The following FGFBP3 variants were observed in gnomAD, a reference collection of about 807,000 sequenced individuals.
FGFBP3 encodes the protein fibroblast growth factor-binding protein 3.
In FGFBP3, 4 loss-of-function variants were observed where a neutral mutation model predicts 4.8. The ratio of observed to expected loss-of-function variants is 0.83; its 90% confidence interval spans 0.41 to 1.90. FGFBP3 has a LOEUF of 1.90. Ranked by LOEUF, FGFBP3 falls within the 40% of genes most tolerant of loss-of-function variation. The pLI is 0.03. For missense variants in FGFBP3, 429 were observed against 397.4 expected, an observed-to-expected ratio of 1.08 and a Z score of -0.68; for synonymous variants, 215 against 190.0, an observed-to-expected ratio of 1.13 and a Z score of -1.08.
chr10:91,908,476 T>TC lies in FGFBP3; in HGVS notation c.493dup (p.Glu165GlyfsTer79), dbSNP rs1299929001. ...CCGGTTCCGGGCCCGGGGCTTGGAC[T>TC]CCCCCGCGAATCCCGCGACGGTGGG... On this transcript the variant is annotated frameshift_variant, in exon 2 of 2. Coordinates refer to ENST00000311575, the MANE Select transcript of FGFBP3 (RefSeq NM_152429.5). LOFTEE classifies it low-confidence loss of function (END_TRUNC). 1 of 1,409,288 alleles carries TC rather than the reference T, an allele frequency of 7.1e-7. No individual in the cohort carries two copies. Among genetic ancestry groups the TC allele is most frequent in the Non-Finnish European group, 9.2e-7 (1 of 1,086,706 alleles). 87.3% of individuals were successfully genotyped at this position (1,409,288 alleles called of 1,614,324 possible).
rs1317399867 is a variant in FGFBP3, at chr10:91,907,926, G to A, written c.*267C>T. ...AGTCTCCAGTTTTTGCACATTTAAA[G>A]TACGCCTATTTCTGTTTCCATTATT... On this transcript the variant is annotated 3_prime_UTR_variant, in exon 2 of 2. Coordinates refer to ENST00000311575, the MANE Select transcript of FGFBP3 (RefSeq NM_152429.5). 3 of 428,118 alleles carry A rather than the reference G, an allele frequency of 7.0e-6. No homozygotes were observed. Among genetic ancestry groups the A allele is most frequent in the Non-Finnish European group, 1.2e-5 (3 of 244,426 alleles). 26.5% of individuals were successfully genotyped at this position (428,118 alleles called of 1,614,324 possible). A position where few individuals can be genotyped will look rare whatever the true frequency, so the allele number is the denominator to read the frequency against.
Position 91,908,541 on chromosome 10 carries a change from G to T in FGFBP3, c.429C>A (p.Ala143=). The stretch of plus-strand genomic sequence containing the variant: ...ACGCGCGGGGCACTAGCCGCAGCTC[G>T]GCGCCGTGGCCCTTCTTGCCCGCGC... ...RLCAGKKGHG[A]ELRLVPRASP... Residue 143 remains alanine, a synonymous_variant, in exon 2 of 2, where the codon GCC becomes GCA. Transcript: ENST00000311575. 7.2e-7 allele frequency: 1 copy of T among 1,379,734 alleles called. No homozygotes were observed. The highest frequency in any genetic ancestry group is 9.3e-7 in the Non-Finnish European group (1 of 1,074,250). The allele number at this position is 1,379,734 out of a possible 1,614,324, so 85.5% of individuals were successfully genotyped here. A position where few individuals can be genotyped will look rare whatever the true frequency, so the allele number is the denominator to read the frequency against.
Position 91,908,713 on chromosome 10 carries a change from G to T in FGFBP3, c.257C>A (p.Ala86Glu), listed in dbSNP as rs896609563. 7 of 1,382,166 alleles carry T rather than the reference G, an allele frequency of 5.1e-6. No individual in the cohort carries two copies. The highest frequency in any genetic ancestry group is 6.5e-6 in the Non-Finnish European group (7 of 1,075,884). The allele number at this position is 1,382,166 out of a possible 1,614,324, so 85.6% of individuals were successfully genotyped here. A position where few individuals can be genotyped will look rare whatever the true frequency, so the allele number is the denominator to read the frequency against. The change falls in exon 2 of 2, where the codon GCG (alanine) becomes GAG (glutamate). Residue 86 changes from alanine (A) to glutamate (E), a missense_variant. Physicochemically the swap from Ala to Glu is moderately radical, Grantham distance 107 (BLOSUM62 -1). Coordinates refer to ENST00000311575, the MANE Select transcript of FGFBP3 (RefSeq NM_152429.5). ...LALRCQSPDGARHQCAYRGHP... is the reference protein window; with the variant it reads ...LALRCQSPDGERHQCAYRGHP... ...CCCGCGGTAGGCGCACTGGTGGCGC[G>T]CCCCGTCCGGGCTCTGGCAGCGCAG...
In FGFBP3 at chr10:91,907,931, C is replaced by G. The variant is rs755928271; in HGVS notation, c.*262G>C. On this transcript the variant is annotated 3_prime_UTR_variant, in exon 2 of 2. Coordinates refer to ENST00000311575, the MANE Select transcript of FGFBP3 (RefSeq NM_152429.5). ...CCAGTTTTTGCACATTTAAAGTACG[C>G]CTATTTCTGTTTCCATTATTTTTCC... 2.2e-6 allele frequency: 1 copy of G among 446,850 alleles called. No homozygotes were observed. The highest frequency in any genetic ancestry group is 3.9e-6 in the Non-Finnish European group (1 of 255,836). 27.7% of individuals were successfully genotyped at this position (446,850 alleles called of 1,614,324 possible). A position where few individuals can be genotyped will look rare whatever the true frequency, so the allele number is the denominator to read the frequency against.
rs1051777080 is a variant in FGFBP3, at chr10:91,907,079, A to G, written c.*1114T>C. The G allele has an allele frequency of 3.3e-5, 5 of 152,244 alleles. No homozygotes were observed. Among genetic ancestry groups the G allele is most frequent in the African/African-American group, 7.2e-5 (3 of 41,468 alleles). The allele number at this position is 152,244 out of a possible 1,614,324, so 9.4% of individuals were successfully genotyped here. A position where few individuals can be genotyped will look rare whatever the true frequency, so the allele number is the denominator to read the frequency against. On this transcript the variant is annotated 3_prime_UTR_variant, in exon 2 of 2. Coordinates refer to ENST00000311575, the MANE Select transcript of FGFBP3 (RefSeq NM_152429.5). Reference sequence around the variant, plus strand: ...TACTTACATTTTAGCTGTTTAAAAAAAAAAATCAGATATAAAGAGAATCAC... The same window carrying G: ...TACTTACATTTTAGCTGTTTAAAAAGAAAAATCAGATATAAAGAGAATCAC...
In FGFBP3 at chr10:91,908,186, G is replaced by A. The variant is rs1443212618; in HGVS notation, c.*7C>T. ...CCCATCAACCCTCCCTAAGCCGGCA[G>A]GCAGTCTCAGCCGTTCCAGAAATTG... On this transcript the variant is annotated 3_prime_UTR_variant, in exon 2 of 2. Transcript: ENST00000311575. The A allele has an allele frequency of 6.3e-7, 1 of 1,592,036 alleles. No homozygotes were observed. Among genetic ancestry groups the A allele is most frequent in the East Asian group, 2.4e-5 (1 of 42,216 alleles).
chr10:91,908,753 C>T lies in FGFBP3; in HGVS notation c.217G>A (p.Gly73Ser), dbSNP rs1156237583. Reference protein sequence around the residue: ...LLLPAPEAAAGSELALRCQSP... With the variant: ...LLLPAPEAAASSELALRCQSP... ...TGGCAGCGCAGCGCCAGCTCGCTGC[C>T]CGCTGCGGCCTCCGGGGCGGGCAGC... The change falls in exon 2 of 2, where the codon GGC (glycine) becomes AGC (serine). Residue 73 changes from glycine (G) to serine (S), a missense_variant. By Grantham distance (56) the Gly-to-Ser change is moderately conservative. Transcript: ENST00000311575. The T allele has an allele frequency of 2.2e-6, 3 of 1,388,896 alleles. No homozygotes were observed. In the African/African-American group the frequency reaches 4.6e-5, roughly 21 times the overall value. 86.0% of individuals were successfully genotyped at this position (1,388,896 alleles called of 1,614,324 possible). A position where few individuals can be genotyped will look rare whatever the true frequency, so the allele number is the denominator to read the frequency against.
At position 91,908,277 on chromosome 10, in the gene FGFBP3, G is replaced by A. The variant is rs752628287; in HGVS notation, c.693C>T (p.Asp231=). 2 of 1,604,036 alleles carry A rather than the reference G, an allele frequency of 1.2e-6. No homozygotes were observed. The highest frequency in any genetic ancestry group is 2.3e-5 in the East Asian group (1 of 43,672). ...MGTGPDPDGL[D]GNAELTETYC... is the part of the protein sequence containing the mutation. Reference sequence around the variant, plus strand: ...AGGTCTCCGTGAGCTCCGCGTTCCCGTCCAGCCCGTCGGGGTCGGGCCCGG... The same window carrying A: ...AGGTCTCCGTGAGCTCCGCGTTCCCATCCAGCCCGTCGGGGTCGGGCCCGG... The change falls in exon 2 of 2, where the codon GAC becomes GAT. Residue 231 remains aspartate, a synonymous_variant. Transcript: ENST00000311575.
chr10:91,908,840 T>C lies in FGFBP3; in HGVS notation c.130A>G (p.Thr44Ala). The C allele has an allele frequency of 6.5e-7, 1 of 1,540,266 alleles. No homozygotes were observed. The highest frequency in any genetic ancestry group is 1.2e-5 in the South Asian group (1 of 83,682). Residue 44 changes from threonine (T) to alanine (A), a missense_variant, in exon 2 of 2, where the codon ACT becomes GCT. Transcript: ENST00000311575. ...SNVAEPVPGPTGGSSGRFLSP... is the reference protein window; with the variant it reads ...SNVAEPVPGPAGGSSGRFLSP... ...AGGAAGCGACCCGAGGAGCCGCCAGTGGGCCCGGGGACCGGCTCCGCCACG... is the reference window on the plus strand; with the variant it reads ...AGGAAGCGACCCGAGGAGCCGCCAGCGGGCCCGGGGACCGGCTCCGCCACG...
chr10:91,908,836 C>T lies in FGFBP3; in HGVS notation c.134G>A (p.Gly45Asp), dbSNP rs1204199978. Residue 45 changes from glycine (G) to aspartate (D), a missense_variant, in exon 2 of 2, where the codon GGC (glycine) becomes GAC (aspartate). Physicochemically the swap from Gly to Asp is moderately conservative, Grantham distance 94. Coordinates refer to ENST00000311575, the MANE Select transcript of FGFBP3 (RefSeq NM_152429.5). The stretch of plus-strand genomic sequence containing the variant: ...GCTGAGGAAGCGACCCGAGGAGCCG[C>T]CAGTGGGCCCGGGGACCGGCTCCGC... ...NVAEPVPGPT[G>D]GSSGRFLSPE... 2 of 1,537,216 alleles carry T rather than the reference C, an allele frequency of 1.3e-6. No homozygotes were observed. Among genetic ancestry groups the T allele is most frequent in the East Asian group, 5.0e-5 (2 of 40,216 alleles).
rs1843305133 is a variant in FGFBP3 at position 91,907,171 on chromosome 10, A to T, written c.*1022T>A. Reference sequence around the variant, plus strand: ...CAGAAGGTTAATGGGAAAGTTCCAGAACATTAGTCACCATTTCGTTAAAAA... The same window carrying T: ...CAGAAGGTTAATGGGAAAGTTCCAGTACATTAGTCACCATTTCGTTAAAAA... On this transcript the variant is annotated 3_prime_UTR_variant, in exon 2 of 2. Transcript: ENST00000311575. 6.6e-6 allele frequency: 1 copy of T among 152,174 alleles called. No homozygotes were observed. The highest frequency in any genetic ancestry group is 1.5e-5 in the Non-Finnish European group (1 of 68,024). The allele number at this position is 152,174 out of a possible 1,614,324, so 9.4% of individuals were successfully genotyped here. A position where few individuals can be genotyped will look rare whatever the true frequency, so the allele number is the denominator to read the frequency against.
rs1357877691 is a variant in FGFBP3 at position 91,908,518 on chromosome 10, G to T, written c.452C>A (p.Ala151Glu). 11 of 1,376,132 alleles carry T rather than the reference G, an allele frequency of 8.0e-6. No homozygotes were observed. Among genetic ancestry groups the T allele is most frequent in the Non-Finnish European group, 9.3e-6 (10 of 1,072,466 alleles). 85.2% of individuals were successfully genotyped at this position (1,376,132 alleles called of 1,614,324 possible). Residue 151 changes from alanine (A) to glutamate (E), a missense_variant, in exon 2 of 2, where the codon GCG (alanine) becomes GAG (glutamate). Ala to Glu is a moderately radical substitution (Grantham distance 107, BLOSUM62 -1). Coordinates refer to ENST00000311575, the MANE Select transcript of FGFBP3 (RefSeq NM_152429.5). ...HGAELRLVPRASPPARPTVAG... is the reference protein window; with the variant it reads ...HGAELRLVPRESPPARPTVAG... ...GACGGTGGGGCGTGCGGGCGGGGACGCGCGGGGCACTAGCCGCAGCTCGGC... is the reference window on the plus strand; with the variant it reads ...GACGGTGGGGCGTGCGGGCGGGGACTCGCGGGGCACTAGCCGCAGCTCGGC...
chr10:91,908,562 C>A lies in FGFBP3; in HGVS notation c.408G>T (p.Ala136=). 7.2e-6 allele frequency: 10 copies of A among 1,393,992 alleles called. No individual in the cohort carries two copies. Among genetic ancestry groups the A allele is most frequent in the Non-Finnish European group, 9.2e-6 (10 of 1,081,472 alleles). The allele number at this position is 1,393,992 out of a possible 1,614,324, so 86.4% of individuals were successfully genotyped here. The change falls in exon 2 of 2, where the codon GCG becomes GCT. Residue 136 remains alanine (A), a synonymous_variant. Transcript: ENST00000311575. ...GCTCGGCGCCGTGGCCCTTCTTGCC[C>A]GCGCACAAGCGGGCCTGGAGCGGCG... is the stretch of plus-strand genomic sequence containing the variant. ...DPAPLQARLC[A]GKKGHGAELR...
chr10:91,909,078 T>G, intron 1 of FGFBP3, 31 bp from the exon 2 acceptor site: 1 of 1,252,818 alleles, frequency 8.0e-7, no homozygotes, highest in Non-Finnish European at 1.1e-6. Context: ...TGCCACCAAC[T>G]GAGCCACACG....
chr10:91,908,321 C>G lies in FGFBP3; in HGVS notation c.649G>C (p.Glu217Gln). The G allele has an allele frequency of 2.5e-6, 4 of 1,598,010 alleles. No homozygotes were observed. The highest frequency in any genetic ancestry group is 3.4e-6 in the Non-Finnish European group (4 of 1,172,700). The change falls in exon 2 of 2, where the codon GAG becomes CAG. Residue 217 changes from glutamate to glutamine, a missense_variant. Transcript: ENST00000311575. ...GKRKAALVPN[E>Q]ERPMGTGPDP... The stretch of plus-strand genomic sequence containing the variant: ...GGCCCGGTCCCCATGGGTCGCTCCT[C>G]GTTGGGGACCAAGGCCGCCTTCCTC...
In FGFBP3 at chr10:91,906,753, C is replaced by T. The variant is rs1843301995; in HGVS notation, c.*1440G>A. 1 of 152,158 alleles carries T rather than the reference C, an allele frequency of 6.6e-6. No individual in the cohort carries two copies. Among genetic ancestry groups the T allele is most frequent in the South Asian group, 2.1e-4 (1 of 4,828 alleles). 9.4% of individuals were successfully genotyped at this position (152,158 alleles called of 1,614,324 possible). A position where few individuals can be genotyped will look rare whatever the true frequency, so the allele number is the denominator to read the frequency against. Reference sequence around the variant, plus strand: ...CAAATCAAATAGAACAATGATAAGGCCAGGTGGCTGCCAGTTTGTGACTCT... The same window carrying T: ...CAAATCAAATAGAACAATGATAAGGTCAGGTGGCTGCCAGTTTGTGACTCT... On this transcript the variant is annotated 3_prime_UTR_variant, in exon 2 of 2. Transcript: ENST00000311575.
At position 91,907,258 on chromosome 10, in the gene FGFBP3, C is replaced by T. The variant is rs1023131035; in HGVS notation, c.*935G>A. The T allele has an allele frequency of 6.6e-6, 1 of 152,186 alleles. No homozygotes were observed. The highest frequency in any genetic ancestry group is 6.5e-5 in the Admixed American group (1 of 15,272). The allele number at this position is 152,186 out of a possible 1,614,324, so 9.4% of individuals were successfully genotyped here. Reference sequence around the variant, plus strand: ...TACTCCGGAGGCTGAGGCAGAGGATCACTTGAGACTGGAATGTCGAGGCCG... The same window carrying T: ...TACTCCGGAGGCTGAGGCAGAGGATTACTTGAGACTGGAATGTCGAGGCCG... On this transcript the variant is annotated 3_prime_UTR_variant, in exon 2 of 2. Transcript: ENST00000311575.
At position 91,908,387 on chromosome 10, in the gene FGFBP3, G is replaced by C; in HGVS notation, c.583C>G (p.Pro195Ala). Residue 195 changes from proline (P) to alanine (A), a missense_variant, in exon 2 of 2, where the codon CCC becomes GCC. Physicochemically the swap from Pro to Ala is conservative, Grantham distance 27 (BLOSUM62 -1). Transcript: ENST00000311575. The part of the protein sequence containing the change: ...AGTPPPQSAP[P>A]KENPSERKTN... ...TTCCTCTCTGAGGGGTTTTCTTTGG[G>C]CGGTGCGCTTTGGGGAGGCGGGGTC... The C allele has an allele frequency of 6.4e-7, 1 of 1,559,260 alleles. No homozygotes were observed. Among genetic ancestry groups the C allele is most frequent in the East Asian group, 2.5e-5 (1 of 39,846 alleles).
chr10:91,908,571 G>GT lies in FGFBP3; in HGVS notation c.398_399insA (p.Cys135ValfsTer109), dbSNP rs747029737. The GT allele has an allele frequency of 2.9e-6, 4 of 1,399,646 alleles. No individual in the cohort carries two copies. The highest frequency in any genetic ancestry group is 2.8e-6 in the Non-Finnish European group (3 of 1,084,394). The allele number at this position is 1,399,646 out of a possible 1,614,324, so 86.7% of individuals were successfully genotyped here. On this transcript the variant is annotated frameshift_variant, in exon 2 of 2. Coordinates refer to ENST00000311575, the MANE Select transcript of FGFBP3 (RefSeq NM_152429.5). LOFTEE classifies it low-confidence loss of function (END_TRUNC). Reference sequence around the variant, plus strand: ...CGTGGCCCTTCTTGCCCGCGCACAAGCGGGCCTGGAGCGGCGCGGGGTCGT... The same window carrying GT: ...CGTGGCCCTTCTTGCCCGCGCACAAGTCGGGCCTGGAGCGGCGCGGGGTCGT...
Sources: gnomAD v4.1 joint callset for allele counts on GRCh38, gnomAD v4.1.1 for gene constraint, MANE v1.5 for transcripts, NCBI Gene and HGNC (gene_info 2026-07-23, HGNC 2026-07-21) for gene names.